Variants in XIRP2 observed in about 807,000 individuals in gnomAD.
The protein encoded by XIRP2 is xin actin-binding repeat-containing protein 2.
Under a neutral mutation model 277.0 loss-of-function variants are expected in XIRP2, and 236 were observed. That is an observed-to-expected ratio of 0.85 (90% CI 0.77 to 0.95). The LOEUF (loss-of-function observed/expected upper bound fraction) is 0.95, where lower values mean the gene tolerates loss of function less well. Ranked by LOEUF, XIRP2 falls within the 40% of genes least tolerant of loss-of-function variation. The probability of loss-of-function intolerance (pLI) is 0.00; values close to 1 mark genes in which losing one functional copy is unlikely to be tolerated. For synonymous variants in XIRP2, 1,490 were observed against 1,416.5 expected (o/e 1.05, Z -1.17); for missense variants, 4,640 against 4,157.5 (o/e 1.12, Z -3.19).
intron 3 of XIRP2, among the ~76,000 whole-genome samples, chr2:167,196,980 G>A (rs564748004): frequency 1.3e-4 from 20 of 152,220 alleles, no homozygotes; most frequent in African/African-American, 3.1e-4. Context: ...TAGCCATAAC[G>A]TTTCTCATTG....
At chr2:167,079,116 A>C (rs1689660112) in intron 2 of XIRP2, among the ~76,000 whole-genome samples, 1 of 152,132 alleles carries the variant, frequency 6.6e-6, no homozygotes, top group South Asian at 2.1e-4. Flanking sequence ...ATTGAGATAA[A>C]CGTACAGTTT....
intron 2 of XIRP2, among the ~76,000 whole-genome samples, chr2:167,108,047 A>G (rs1690657360): frequency 6.6e-6 from 1 of 151,804 alleles, no homozygotes; most frequent in Non-Finnish European, 1.5e-5. Context: ...ATGGAGTTAT[A>G]CAAACTATTT....
At chr2:167,230,997 T>C (rs1341122771) in intron 5 of XIRP2, among the ~76,000 whole-genome samples, 1 of 152,130 alleles carries the variant, frequency 6.6e-6, no homozygotes, top group African/African-American at 2.4e-5. Context: ...TGCTCGTAGA[T>C]ACATTCATTA....
At chr2:167,115,888 T>A (rs1054202953) in intron 2 of XIRP2, among the ~76,000 whole-genome samples, 23 of 152,222 alleles carry the variant, frequency 1.5e-4, no homozygotes, top group Non-Finnish European at 2.8e-4. Context: ...TCCTTTTTGA[T>A]CCATGGATTG....
rs768366889 is a variant in XIRP2 at position 166,903,775 on chromosome 2, A to C, written c.293A>C (p.Glu98Ala). ...TATGGTCGGCCAGAAGTGCTGAAGG[A>C]GGATTCCCTGAGCAGTCGGCGCAGG... ...REYGRPEVLKEDSLSSRRRIE... is the reference protein window; with the variant it reads ...REYGRPEVLKADSLSSRRRIE... Residue 98 changes from glutamate (E) to alanine (A), a missense_variant, in exon 2 of 11, where the codon GAG becomes GCG. Coordinates refer to ENST00000409195, the MANE Select transcript of XIRP2 (RefSeq NM_152381.6). 1 of 1,613,678 alleles carries C rather than the reference A, an allele frequency of 6.2e-7. No homozygotes were observed. The highest frequency in any genetic ancestry group is 8.5e-7 in the Non-Finnish European group (1 of 1,179,796).
intron 2 of XIRP2, among the ~76,000 whole-genome samples, chr2:167,016,026 A>G (rs1274220574): frequency 2.0e-5 from 3 of 151,720 alleles, no homozygotes; most frequent in Non-Finnish European, 4.4e-5. Flanking sequence ...CAAATTCATT[A>G]TATCTGGTGT....
At chr2:166,984,309 T>G (rs1686946192) in intron 2 of XIRP2, among the ~76,000 whole-genome samples, 1 of 152,202 alleles carries the variant, frequency 6.6e-6, no homozygotes, top group Admixed American at 6.5e-5. Flanking sequence ...TCTGGTTTAT[T>G]TAAACAAAAT....
chr2:167,043,552 C>A (rs55933892), intron 2 of XIRP2, among the ~76,000 whole-genome samples: 42,269 of 151,842 alleles, frequency 0.28, 6,697 homozygotes, highest in African/African-American at 0.42. Flanking sequence ...CCCTCACAGA[C>A]AATTATGAAC....
At chr2:166,982,644 C>T (rs543346449) in intron 2 of XIRP2, among the ~76,000 whole-genome samples, 1 of 152,126 alleles carries the variant, frequency 6.6e-6, no homozygotes, top group East Asian at 1.9e-4. Flanking sequence ...GAGTTTACTT[C>T]TAATTTAGAT....
intron 2 of XIRP2, among the ~76,000 whole-genome samples, chr2:167,077,461 A>G (rs1405928748): frequency 6.6e-6 from 1 of 152,052 alleles, no homozygotes; most frequent in Non-Finnish European, 1.5e-5. Context: ...AATTCCCTCC[A>G]TTTCACAGCT....
At chr2:166,904,479 A>G (rs897296470) in intron 2 of XIRP2, among the ~76,000 whole-genome samples, 1 of 152,324 alleles carries the variant, frequency 6.6e-6, no homozygotes, top group African/African-American at 2.4e-5. Flanking sequence ...ATTTTGTGGT[A>G]GGTGATGATC....
chr2:167,033,565 G>A (rs1168950369), intron 2 of XIRP2, among the ~76,000 whole-genome samples: 2 of 151,998 alleles, frequency 1.3e-5, no homozygotes, highest in African/African-American at 4.8e-5. Context: ...CTACTCCATG[G>A]CATTTAATAA....
At chr2:167,140,621 C>T (rs1051813737) in intron 3 of XIRP2, among the ~76,000 whole-genome samples, 3 of 152,168 alleles carry the variant, frequency 2.0e-5, no homozygotes, top group Non-Finnish European at 4.4e-5. Context: ...GGACTTGCTT[C>T]CCTACCTACT....
At chr2:166,959,592 C>A (rs1686250733) in intron 2 of XIRP2, among the ~76,000 whole-genome samples, 3 of 151,724 alleles carry the variant, frequency 2.0e-5, no homozygotes, top group Admixed American at 2.0e-4. Context: ...TCCTGGCAGA[C>A]TTTATTAAAG....
chr2:167,257,885 CA>C lies in XIRP2; in HGVS notation c.*71del. ...GGGAAATTATGCATCACTTCATGGA[CA>C]AATATACTGTAAACCTCACTTTAAA... is the stretch of plus-strand genomic sequence containing the variant. On this transcript the variant is annotated 3_prime_UTR_variant, in exon 11 of 11. Coordinates refer to ENST00000409195, the MANE Select transcript of XIRP2 (RefSeq NM_152381.6). The C allele has an allele frequency of 6.2e-7, 1 of 1,605,234 alleles. No individual in the cohort carries two copies. The highest frequency in any genetic ancestry group is 8.5e-7 in the Non-Finnish European group (1 of 1,177,252).
chr2:167,059,235 C>G (rs1312730450), intron 2 of XIRP2, among the ~76,000 whole-genome samples: 3 of 149,990 alleles, frequency 2.0e-5, no homozygotes, highest in Non-Finnish European at 3.0e-5. Flanking sequence ...TCCCGAGTAG[C>G]TGGGATTATA....
chr2:166,924,415 C>T (rs1294412413), intron 2 of XIRP2, among the ~76,000 whole-genome samples: 1 of 152,050 alleles, frequency 6.6e-6, no homozygotes, highest in East Asian at 1.9e-4. Flanking sequence ...AAACCAAGGA[C>T]ATGGATCAGC....
chr2:166,934,214 AC>A (rs66546484), intron 2 of XIRP2, among the ~76,000 whole-genome samples: 102 of 149,674 alleles, frequency 6.8e-4, no homozygotes, highest in African/African-American at 2.0e-3. Flanking sequence ...AAAAAAAAAA[AC>A]AAAACTAGGG....
chr2:167,041,056 G>T (rs191961783), intron 2 of XIRP2, among the ~76,000 whole-genome samples: 112 of 152,256 alleles, frequency 7.4e-4, no homozygotes, highest in Admixed American at 7.3e-3. Context: ...CCCCTCCACT[G>T]CAGTAAGAGT....
Sources: gnomAD v4.1 joint callset for allele counts (sites outside exome capture counted in the v4.1 genomes callset) on GRCh38, gnomAD v4.1.1 for gene constraint, MANE v1.5 for transcripts, NCBI Gene and HGNC (gene_info 2026-07-23, HGNC 2026-07-21) for gene names.